The following CPSF4 variants were observed in gnomAD, a reference collection of about 807,000 sequenced individuals.
The protein encoded by CPSF4 is cleavage and polyadenylation specific factor 4, also known as cleavage and polyadenylation specificity factor subunit 4.
CPSF4 carries 11 observed loss-of-function variants against 37.7 expected under a neutral mutation model. The observed-to-expected ratio is 0.29, with a 90% CI of 0.18 to 0.48. The LOEUF is 0.48. Among genes scored for constraint, CPSF4 ranks in the 20% least tolerant of loss-of-function variants. The pLI is 0.99. For missense variants in CPSF4, 144 were observed against 359.5 expected (o/e 0.40, Z 4.85); for synonymous variants, 132 against 135.9 (o/e 0.97, Z 0.20).
At chr7:99,440,652 T>C (rs1796829351) in intron 1 of CPSF4, among the ~76,000 whole-genome samples, 1 of 108,312 alleles carries the variant, frequency 9.2e-6, no homozygotes. Context: ...CCACTGCACC[T>C]GGCATATATA....
intron 7 of CPSF4, 111 bp from the exon 8 acceptor site, chr7:99,456,321 G>T: frequency 1.1e-6 from 1 of 896,770 alleles, no homozygotes; most frequent in South Asian, 1.4e-5. Flanking sequence ...TGTCCCGACT[G>T]GGGACTTGGT....
At position 99,439,175 on chromosome 7, in the gene CPSF4, C is replaced by T. The variant is rs913375331; in HGVS notation, c.93C>T (p.Pro31=). 4 of 1,604,120 alleles carry T rather than the reference C, an allele frequency of 2.5e-6. No homozygotes were observed. The highest frequency in any genetic ancestry group is 1.3e-5 in the African/African-American group (1 of 74,566). Residue 31 remains proline, a synonymous_variant, in exon 1 of 8, where the codon CCC becomes CCT. Transcript: ENST00000292476. The part of the protein sequence containing the change: ...QQLGAQPLPF[P]GMDKSGAAVC... The stretch of plus-strand genomic sequence containing the variant: ...TGGGGGCGCAGCCGCTGCCCTTCCC[C>T]GGCATGGACAGTGAGCGCGGGGCCC...
At chr7:99,441,188 TG>T (rs1796947261) in intron 1 of CPSF4, among the ~76,000 whole-genome samples, 1 of 152,100 alleles carries the variant, frequency 6.6e-6, no homozygotes, top group African/African-American at 2.4e-5. Context: ...TGACCTTAAA[TG>T]ATCCACCTGC....
chr7:99,439,208 A>G, intron 1 of CPSF4, 23 bp downstream of exon 1: 1 of 1,538,338 alleles, frequency 6.5e-7, no homozygotes, highest in African/African-American at 1.4e-5. Context: ...CCCGGGCGGG[A>G]GGGCAAGAGC....
chr7:99,443,304 G>T, intron 1 of CPSF4: 1 of 838,236 alleles, frequency 1.2e-6, no homozygotes, highest in South Asian at 1.3e-5. Context: ...ATTTGACAAG[G>T]GGTTTTTTTC....
intron 1 of CPSF4, 80 bp from the exon 2 acceptor site, chr7:99,444,709 G>A (rs903765294): frequency 3.2e-5 from 44 of 1,391,814 alleles, no homozygotes; most frequent in Non-Finnish European, 3.5e-5. Flanking sequence ...GGTCAGAAGG[G>A]TTCCCTCCCA....
chr7:99,450,660 G>A lies in CPSF4; in HGVS notation c.404-42G>A, dbSNP rs1797866143. On this transcript the variant is annotated intron_variant, in intron 4 of 7. Coordinates refer to ENST00000292476, the MANE Select transcript of CPSF4 (RefSeq NM_006693.4). ...GAAACCATGCTCCAGCTCTCTAACT[G>A]GTAGAGGGGACATCTAAGTGACCGG... 8 of 1,468,320 alleles carry A rather than the reference G, an allele frequency of 5.4e-6. No homozygotes were observed. In the South Asian group the frequency reaches 5.7e-5, roughly 10 times the overall value. 91.0% of individuals were successfully genotyped at this position (1,468,320 alleles called of 1,614,324 possible).
rs991598030 is a variant in CPSF4 at position 99,442,322 on chromosome 7, G to A, written c.104-2467G>A. Among the ~76,000 whole-genome samples, 39 of 152,114 alleles carry A rather than the reference G, an allele frequency of 2.6e-4. 1 individual carries two copies. The highest frequency in any genetic ancestry group is 8.8e-5 in the Non-Finnish European group (6 of 68,028). Reference sequence around the variant, plus strand: ...GCACACTCCGACTGTGGGAATGAAAGGCTGTGCTTTTTTTTTCTTTTCTTT... The same window carrying A: ...GCACACTCCGACTGTGGGAATGAAAAGCTGTGCTTTTTTTTTCTTTTCTTT... On this transcript the variant is annotated intron_variant, in intron 1 of 7. Coordinates refer to ENST00000292476, the MANE Select transcript of CPSF4 (RefSeq NM_006693.4).
chr7:99,446,771 CTTTTTTTTTTT>C (rs762892785), intron 2 of CPSF4, among the ~76,000 whole-genome samples: 8 of 29,126 alleles, frequency 2.7e-4, no homozygotes, highest in African/African-American at 6.8e-4. Context: ...CCATACCCAG[CTTTTTTTTTTT>C]TTTTTTTTTT....
Position 99,439,161 on chromosome 7 carries a change from C to G in CPSF4, c.79C>G (p.Pro27Ala). ...IAVEQQLGAQ[P>A]LPFPGMDKSG... ...GGTGGAGCAGCAGCTGGGGGCGCAG[C>G]CGCTGCCCTTCCCCGGCATGGACAG... The change falls in exon 1 of 8, where the codon CCG (proline) becomes GCG (alanine). Residue 27 changes from proline to alanine, a missense_variant. By Grantham distance (27) the Pro-to-Ala change is conservative. This residue lies in a region of CPSF4 where 42 missense variants were observed against 86.4 expected (regional missense o/e 0.49). Coordinates refer to ENST00000292476, the MANE Select transcript of CPSF4 (RefSeq NM_006693.4). The G allele has an allele frequency of 6.2e-7, 1 of 1,608,816 alleles. No individual in the cohort carries two copies. The highest frequency in any genetic ancestry group is 8.5e-7 in the Non-Finnish European group (1 of 1,179,044).
In CPSF4 at chr7:99,439,048, G is replaced by T; in HGVS notation, c.-35G>T. On this transcript the variant is annotated 5_prime_UTR_variant, in exon 1 of 8. In the 5' UTR this introduces an upstream ATG that the reference lacks. Transcript: ENST00000292476. ...AGGCGAGAAGGCTGCAGGAGACCGA[G>T]GGGGAGCCGGGCCGGTGGGGCCGCC... 1.3e-6 allele frequency: 2 copies of T among 1,581,110 alleles called. No individual in the cohort carries two copies. Among genetic ancestry groups the T allele is most frequent in the East Asian group, 2.3e-5 (1 of 43,568 alleles).
intron 2 of CPSF4, among the ~76,000 whole-genome samples, chr7:99,446,299 A>C (rs554529272): frequency 1.3e-5 from 2 of 152,380 alleles, no homozygotes; most frequent in Admixed American, 1.3e-4. Flanking sequence ...TACAGTAGCC[A>C]CTAGTCACAT....
intron 3 of CPSF4, among the ~76,000 whole-genome samples, 178 bp from the exon 4 acceptor site, chr7:99,450,098 T>C (rs563072976): frequency 6.6e-6 from 1 of 152,262 alleles, no homozygotes; most frequent in Admixed American, 6.5e-5. Context: ...CTGGTCTCAA[T>C]GGGTGCATTT....
In CPSF4 at chr7:99,456,582, G is replaced by A. The variant is rs778494376; in HGVS notation, c.*82G>A. ...TTAACTGTTTCATGCGCTTGTTGGC[G>A]CGACTGTGGCTCGAGCTGGCCCGCA... is the stretch of plus-strand genomic sequence containing the variant. On this transcript the variant is annotated 3_prime_UTR_variant, in exon 8 of 8. Transcript: ENST00000292476. 2.2e-5 allele frequency: 27 copies of A among 1,204,096 alleles called. No homozygotes were observed. The highest frequency in any genetic ancestry group is 9.4e-5 in the East Asian group (4 of 42,498). The allele number at this position is 1,204,096 out of a possible 1,614,324, so 74.6% of individuals were successfully genotyped here.
chr7:99,445,957 AT>A (rs1268303590), intron 2 of CPSF4, among the ~76,000 whole-genome samples: 4 of 152,194 alleles, frequency 2.6e-5, no homozygotes, highest in East Asian at 3.8e-4. Flanking sequence ...TGGTCTGGGC[AT>A]TTTTCTCCCT....
chr7:99,451,042 A>T, intron 5 of CPSF4: 3 of 456,336 alleles, frequency 6.6e-6, no homozygotes, highest in Non-Finnish European at 1.2e-5. Flanking sequence ...AATGTAATGG[A>T]AGCTGTGGGA....
intron 1 of CPSF4, among the ~76,000 whole-genome samples, chr7:99,440,797 A>G (rs1442219547): frequency 3.3e-5 from 5 of 150,396 alleles, no homozygotes; most frequent in African/African-American, 1.2e-4. Flanking sequence ...ATAAGGAGAC[A>G]TCATCAGACC....
rs1021424127 is a variant in CPSF4, at chr7:99,450,621, G to T, written c.404-81G>T. On this transcript the variant is annotated intron_variant, in intron 4 of 7. Coordinates refer to ENST00000292476, the MANE Select transcript of CPSF4 (RefSeq NM_006693.4). ...CCTGCCCCGTCTCCCATGAATGGGG[G>T]ACAGCCAGCATTTGAAACCATGCTC... 10 of 1,176,506 alleles carry T rather than the reference G, an allele frequency of 8.5e-6. No individual in the cohort carries two copies. In the African/African-American group the frequency reaches 1.4e-4, roughly 16 times the overall value. The allele number at this position is 1,176,506 out of a possible 1,614,324, so 72.9% of individuals were successfully genotyped here.
At chr7:99,452,282 A>AT in intron 5 of CPSF4, 86 bp from the exon 6 acceptor site, 1 of 1,167,642 alleles carries the variant, frequency 8.6e-7, no homozygotes, top group South Asian at 1.3e-5. Context: ...TAGGGCTGGA[A>AT]TTTAAGAGCA....
Sources: gnomAD v4.1 joint callset for allele counts (sites outside exome capture counted in the v4.1 genomes callset) on GRCh38, gnomAD v4.1.1 for gene constraint, gnomAD v4.1.1 regional missense constraint, MANE v1.5 for transcripts, NCBI Gene and HGNC (gene_info 2026-07-23, HGNC 2026-07-21) for gene names.